YEATS2: variants seen among roughly 807,000 people sequenced by gnomAD.
YEATS2 encodes YEATS domain containing 2, also known as YEATS domain-containing protein 2.
YEATS2 carries 77 observed loss-of-function variants against 163.2 expected under a neutral mutation model. The ratio of observed to expected loss-of-function variants is 0.47; its 90% CI spans 0.39 to 0.57. The LOEUF (loss-of-function observed/expected upper bound fraction) is 0.57, where lower values mean the gene tolerates loss of function less well. YEATS2 is among the 20% of genes least tolerant of loss of function. The pLI, the probability that YEATS2 is intolerant of heterozygous loss-of-function variation, is 0.00. For missense variants in YEATS2, 1,549 were observed against 1,729.8 expected, an observed-to-expected ratio of 0.90 and a Z score of 1.85; for synonymous variants, 631 against 645.1, an observed-to-expected ratio of 0.98 and a Z score of 0.33.
chr3:183,713,310 A>G (rs1389889531), intron 1 of YEATS2, among the ~76,000 whole-genome samples: 1 of 152,124 alleles, frequency 6.6e-6, no homozygotes, highest in Non-Finnish European at 1.5e-5. Flanking sequence ...CACACCTGTA[A>G]TCCCAGAACT....
chr3:183,800,974 G>C (rs563866645), intron 24 of YEATS2: 1 of 171,312 alleles, frequency 5.8e-6, no homozygotes, highest in African/African-American at 2.4e-5. Context: ...ACTCTTTGCT[G>C]CTTCTAAAAA....
chr3:183,702,822 A>G (rs1180291947), intron 1 of YEATS2, among the ~76,000 whole-genome samples: 1 of 145,030 alleles, frequency 6.9e-6, no homozygotes, highest in Non-Finnish European at 1.5e-5. Context: ...CGACAGCAAG[A>G]CTCTCTCTCT....
chr3:183,707,954 G>T (rs1253098507), intron 1 of YEATS2, among the ~76,000 whole-genome samples: 1 of 151,904 alleles, frequency 6.6e-6, no homozygotes, highest in Non-Finnish European at 1.5e-5. Flanking sequence ...GATTATAGGC[G>T]TGAGCAGCCA....
rs190859657 is a variant in YEATS2 at position 183,775,333 on chromosome 3, C to T, written c.2369-582C>T. On this transcript the variant is annotated intron_variant, in intron 17 of 30. Transcript: ENST00000305135. ...TGGCTAGAGGCTGGGTGCAGTGGCT[C>T]ACACCTGCAATCCCAGCACTTTGGA... Among the ~76,000 whole-genome samples the T allele has an allele frequency of 7.2e-4, 110 of 152,338 alleles. 1 individual carries two copies. Among genetic ancestry groups the T allele is most frequent in the African/African-American group, 2.1e-3 (88 of 41,580 alleles).
intron 7 of YEATS2, 33 bp from the exon 8 acceptor site, chr3:183,736,685 T>C: frequency 6.4e-7 from 1 of 1,562,730 alleles, no homozygotes; most frequent in Non-Finnish European, 8.8e-7. Context: ...AGAGTGAACA[T>C]GGATGAACGT....
chr3:183,698,818 A>G (rs1021383242), intron 1 of YEATS2, among the ~76,000 whole-genome samples: 1 of 152,124 alleles, frequency 6.6e-6, no homozygotes. Context: ...CCCCTTTCTT[A>G]ATGAGTAGAG....
intron 11 of YEATS2, among the ~76,000 whole-genome samples, chr3:183,754,934 G>C (rs1720556631): frequency 6.6e-6 from 1 of 152,116 alleles, no homozygotes; most frequent in Admixed American, 6.5e-5. Context: ...GGTTTTGACT[G>C]TTCCACCTTA....
At chr3:183,763,146 T>C (rs1457265110) in intron 15 of YEATS2, among the ~76,000 whole-genome samples, 1 of 152,196 alleles carries the variant, frequency 6.6e-6, no homozygotes, top group East Asian at 1.9e-4. Context: ...CACCTGATGA[T>C]GGTACATTCT....
chr3:183,716,623 T>A (rs2109031613), intron 2 of YEATS2, among the ~76,000 whole-genome samples: 1 of 152,276 alleles, frequency 6.6e-6, no homozygotes, highest in African/African-American at 2.4e-5. Flanking sequence ...ACTTAATTCA[T>A]TACCCAAGAG....
chr3:183,716,935 C>T (rs556425485), intron 2 of YEATS2, among the ~76,000 whole-genome samples: 41 of 151,790 alleles, frequency 2.7e-4, no homozygotes, highest in Non-Finnish European at 5.6e-4. Context: ...CTCTGTCACC[C>T]GGGCTGGAGT....
intron 8 of YEATS2, among the ~76,000 whole-genome samples, chr3:183,743,257 GAAATAATGAC>G (rs1319037225): frequency 6.6e-6 from 1 of 152,212 alleles, no homozygotes; most frequent in African/African-American, 2.4e-5. Context: ...TGGAGCAACT[GAAATAATGAC>G]ATTGTGAACT....
At chr3:183,730,116 G>A (rs1717618913) in intron 7 of YEATS2, among the ~76,000 whole-genome samples, 1 of 115,692 alleles carries the variant, frequency 8.6e-6, no homozygotes, top group Non-Finnish European at 1.6e-5. Flanking sequence ...CCATGCTGGA[G>A]TGCAGTGGCA....
At chr3:183,714,088 C>T (rs747321349) in intron 1 of YEATS2, among the ~76,000 whole-genome samples, 103 of 152,056 alleles carry the variant, frequency 6.8e-4, no homozygotes, top group Non-Finnish European at 1.0e-3. Flanking sequence ...CAGGCATGAG[C>T]GACCACACCC....
chr3:183,799,096 T>C, intron 23 of YEATS2, 107 bp downstream of exon 23: 1 of 844,740 alleles, frequency 1.2e-6, no homozygotes. Context: ...ATTACCATAA[T>C]CTGAATCTTT....
chr3:183,771,416 G>A (rs1722441798), intron 15 of YEATS2, among the ~76,000 whole-genome samples: 1 of 145,588 alleles, frequency 6.9e-6, no homozygotes, highest in South Asian at 2.2e-4. Context: ...TGTTGACTTT[G>A]TTTTAAAAAC....
At chr3:183,777,416 G>A (rs761961944) in intron 18 of YEATS2, 126 bp from the exon 19 acceptor site, 34 of 992,300 alleles carry the variant, frequency 3.4e-5, no homozygotes, top group Non-Finnish European at 5.0e-5. Flanking sequence ...TGCCTACATT[G>A]CAGAATTAAA....
At chr3:183,716,416 A>G (rs977133507) in intron 2 of YEATS2, among the ~76,000 whole-genome samples, 1 of 152,180 alleles carries the variant, frequency 6.6e-6, no homozygotes, top group Non-Finnish European at 1.5e-5. Flanking sequence ...GGAAATGGTG[A>G]AGAAAATTCC....
At position 183,786,287 on chromosome 3, in the gene YEATS2, G is replaced by A. The variant is rs1724056912; in HGVS notation, c.2899G>A (p.Gly967Ser). ...TSPAVALSAN[G>S]PAQQSEGMAP... Reference sequence around the variant, plus strand: ...CCCTGCCGTGGCCCTCTCAGCAAACGGTCCTGCACAACAGGTGAGAAATAG... The same window carrying A: ...CCCTGCCGTGGCCCTCTCAGCAAACAGTCCTGCACAACAGGTGAGAAATAG... Residue 967 changes from glycine (G) to serine (S), a missense_variant, in exon 20 of 31, where the codon GGT (glycine) becomes AGT (serine). Gly to Ser is a moderately conservative substitution (Grantham distance 56). Transcript: ENST00000305135. The A allele has an allele frequency of 3.7e-6, 6 of 1,610,734 alleles. No individual in the cohort carries two copies. The highest frequency in any genetic ancestry group is 5.1e-6 in the Non-Finnish European group (6 of 1,177,496).
chr3:183,724,624 A>G, intron 6 of YEATS2, 93 bp downstream of exon 6: 1 of 858,574 alleles, frequency 1.2e-6, no homozygotes, highest in Non-Finnish European at 1.7e-6. Flanking sequence ...AAGCAGCCTC[A>G]GGGATTCTTT....
Sources: gnomAD v4.1 joint callset for allele counts (sites outside exome capture counted in the v4.1 genomes callset) on GRCh38, gnomAD v4.1.1 for gene constraint, MANE v1.5 for transcripts, NCBI Gene and HGNC (gene_info 2026-07-23, HGNC 2026-07-21) for gene names.